Variants in MCC observed in about 807,000 individuals in gnomAD.
MCC encodes the protein colorectal mutant cancer protein.
In MCC, 90 loss-of-function variants were observed where a neutral mutation model predicts 116.2. The observed-to-expected ratio is 0.77, with a 90% CI of 0.65 to 0.92. The LOEUF is 0.92. MCC is among the 40% of genes least tolerant of loss of function. The pLI, the probability that MCC is intolerant of heterozygous loss-of-function variation, is 0.00. For synonymous variants in MCC, 578 were observed against 510.5 expected, an observed-to-expected ratio of 1.13 and a Z score of -1.78; for missense variants, 1,516 against 1,312.2, an observed-to-expected ratio of 1.16 and a Z score of -2.40.
At chr5:113,413,141 A>C (rs1260656827) in intron 1 of MCC, among the ~76,000 whole-genome samples, 1 of 152,160 alleles carries the variant, frequency 6.6e-6, no homozygotes, top group African/African-American at 2.4e-5. Context: ...ATGGTGGATA[A>C]GCTTTTTGAT....
At chr5:113,163,784 C>T (rs956670768) in intron 3 of MCC, among the ~76,000 whole-genome samples, 1 of 152,166 alleles carries the variant, frequency 6.6e-6, no homozygotes, top group African/African-American at 2.4e-5. Context: ...ATCTGTCAGA[C>T]ATTTCTGTAA....
intron 1 of MCC, among the ~76,000 whole-genome samples, chr5:113,450,992 C>T (rs1359219508): frequency 6.6e-6 from 1 of 152,168 alleles, no homozygotes; most frequent in African/African-American, 2.4e-5. Context: ...TCTCTCTGAC[C>T]CACATCCTTT....
In MCC at chr5:113,023,425, T is replaced by C. The variant is rs990324583; in HGVS notation, c.*3877A>G. On this transcript the variant is annotated 3_prime_UTR_variant, in exon 19 of 19. Transcript: ENST00000408903. ...TGCTGTATGTTTTCCTGAAAAATTT[T>C]ATAGTGTTCTACAAAGCCATCACCT... 6.6e-6 allele frequency: 1 copy of C among 152,242 alleles called. No individual in the cohort carries two copies. The highest frequency in any genetic ancestry group is 6.5e-5 in the Admixed American group (1 of 15,278). 9.4% of individuals were successfully genotyped at this position (152,242 alleles called of 1,614,324 possible).
At chr5:113,321,985 C>T (rs1402814897) in intron 3 of MCC, among the ~76,000 whole-genome samples, 1 of 152,210 alleles carries the variant, frequency 6.6e-6, no homozygotes, top group Non-Finnish European at 1.5e-5. Flanking sequence ...GTGCACACCA[C>T]CATGCCTGGC....
intron 2 of MCC, among the ~76,000 whole-genome samples, chr5:113,357,520 T>G (rs1768443533): frequency 6.6e-6 from 1 of 152,062 alleles, no homozygotes; most frequent in African/African-American, 2.4e-5. Context: ...AACTGTCTCT[T>G]TAAAATAATA....
chr5:113,155,000 C>G (rs1369113435), intron 3 of MCC, among the ~76,000 whole-genome samples: 1 of 152,064 alleles, frequency 6.6e-6, no homozygotes, highest in African/African-American at 2.4e-5. Flanking sequence ...CATGTTTTTA[C>G]CCATTAACCA....
chr5:113,085,139 A>T (rs774476460), intron 9 of MCC, 25 bp downstream of exon 9: 3 of 1,613,906 alleles, frequency 1.9e-6, no homozygotes, highest in East Asian at 4.5e-5. Flanking sequence ...GTTCCCGCTC[A>T]TCGGGTCCAT....
intron 14 of MCC, among the ~76,000 whole-genome samples, chr5:113,056,895 G>A (rs1367751355): frequency 6.6e-6 from 1 of 152,198 alleles, no homozygotes; most frequent in Admixed American, 6.5e-5. Flanking sequence ...AGTAGGCCAG[G>A]AAGTGAAATA....
intron 4 of MCC, among the ~76,000 whole-genome samples, chr5:113,144,697 C>A (rs997881934): frequency 6.6e-5 from 10 of 152,334 alleles, no homozygotes; most frequent in African/African-American, 1.7e-4. Flanking sequence ...TGCACCTCAA[C>A]AACAGCTGGA....
intron 3 of MCC, among the ~76,000 whole-genome samples, chr5:113,327,168 G>C (rs939149456): frequency 6.6e-6 from 1 of 152,166 alleles, no homozygotes; most frequent in South Asian, 2.1e-4. Context: ...AGGATCTCTA[G>C]AGGACAGAAG....
rs551496637 is a variant in MCC at position 113,351,079 on chromosome 5, T to C, written c.416-10349A>G. On this transcript the variant is annotated intron_variant, in intron 2 of 18. Coordinates refer to ENST00000408903, the MANE Select transcript of MCC (RefSeq NM_001085377.2). ...TAGAGAAAAGGGAACCCTCATACAC[T>C]GTTGGTGGGAATGTAAATTTGTACA... 3.9e-5 allele frequency among the ~76,000 whole-genome samples: 6 copies of C among 152,208 alleles called. No individual in the cohort carries two copies. In the South Asian group the frequency reaches 8.3e-4, roughly 21 times the overall value.
intron 17 of MCC, among the ~76,000 whole-genome samples, chr5:113,039,858 C>CA (rs1355917010): frequency 6.6e-5 from 10 of 151,986 alleles, no homozygotes; most frequent in African/African-American, 2.4e-4. Flanking sequence ...CATGTGAGTA[C>CA]AAAAAAGGAG....
At chr5:113,334,850 C>A (rs1449329674) in intron 3 of MCC, among the ~76,000 whole-genome samples, 1 of 151,560 alleles carries the variant, frequency 6.6e-6, no homozygotes, top group Non-Finnish European at 1.5e-5. Flanking sequence ...CTCGGCCTCC[C>A]AAAGTGCTGG....
chr5:113,477,112 T>C (rs899168684), intron 1 of MCC, among the ~76,000 whole-genome samples: 2 of 152,284 alleles, frequency 1.3e-5, no homozygotes, highest in Non-Finnish European at 2.9e-5. Flanking sequence ...GGAATGAGTA[T>C]TAAATGAGAT....
chr5:113,450,530 C>T (rs1428760168), intron 1 of MCC, among the ~76,000 whole-genome samples: 1 of 152,160 alleles, frequency 6.6e-6, no homozygotes, highest in African/African-American at 2.4e-5. Flanking sequence ...TGGCCAGGAC[C>T]ATTTGCTTAA....
chr5:113,190,827 T>C (rs1038847342), intron 3 of MCC, among the ~76,000 whole-genome samples: 1 of 152,134 alleles, frequency 6.6e-6, no homozygotes, highest in Non-Finnish European at 1.5e-5. Flanking sequence ...ATTGTCTAAA[T>C]CTAAGAGGCA....
intron 16 of MCC, among the ~76,000 whole-genome samples, chr5:113,048,100 C>T (rs1752235992): frequency 6.6e-6 from 1 of 152,202 alleles, no homozygotes. Context: ...AGTGAGACTC[C>T]TCACTTCTTT....
chr5:113,076,391 T>C (rs938855109), intron 11 of MCC, among the ~76,000 whole-genome samples: 3 of 151,868 alleles, frequency 2.0e-5, no homozygotes, highest in Admixed American at 1.3e-4. Flanking sequence ...AGGAAAAAAA[T>C]GTTAAGGGCA....
At chr5:113,075,655 T>A (rs906935461) in intron 11 of MCC, among the ~76,000 whole-genome samples, 1 of 151,854 alleles carries the variant, frequency 6.6e-6, no homozygotes, top group South Asian at 2.1e-4. Context: ...ACCAATCAGC[T>A]CTCTGTAAAA....
Sources: allele counts gnomAD v4.1 joint callset (sites outside exome capture counted in the v4.1 genomes callset), GRCh38; gene constraint gnomAD v4.1.1; transcripts MANE v1.5; gene names NCBI Gene and HGNC (gene_info 2026-07-23, HGNC 2026-07-21).